Variants in EPHB2 observed in about 807,000 individuals in gnomAD.
EPHB2 encodes the protein ephrin type-B receptor 2.
A neutral mutation model predicts 96.4 loss-of-function variants in EPHB2; 18 were observed. That is an observed-to-expected ratio of 0.19 (90% CI 0.13 to 0.28). EPHB2 has a LOEUF of 0.28. Among genes scored for constraint, EPHB2 ranks in the 10% least tolerant of loss-of-function variants. The pLI is 1.00. For synonymous variants in EPHB2, 506 were observed against 534.1 expected (o/e 0.95, Z 0.72); for missense variants, 989 against 1,355.4 (o/e 0.73, Z 4.25).
At chr1:22,896,057 A>C (rs1639550977) in intron 8 of EPHB2, among the ~76,000 whole-genome samples, 1 of 152,214 alleles carries the variant, frequency 6.6e-6, no homozygotes, top group South Asian at 2.1e-4. Flanking sequence ...TGCTGGGTAT[A>C]ATGCAAAGAA....
intron 1 of EPHB2, among the ~76,000 whole-genome samples, chr1:22,729,756 G>A (rs931479932): frequency 6.6e-6 from 1 of 152,176 alleles, no homozygotes; most frequent in Non-Finnish European, 1.5e-5. Flanking sequence ...AATAATTAAT[G>A]TGTTTCTTTG....
rs1639920956 is a variant in EPHB2 at position 22,906,501 on chromosome 1, C to T, written c.1889-209C>T. On this transcript the variant is annotated intron_variant, in intron 10 of 15. Transcript: ENST00000374630. This position sits in a 1 kb window ranked among gnomAD's most constrained non-coding sequence, Gnocchi z 4.8. ...CAGCCAGGGATAACCAGAGAACAAC[C>T]ATGAGGAATTTACTGTCCTCTCCCA... Among the ~76,000 whole-genome samples, 1 of 152,166 alleles carries T rather than the reference C, an allele frequency of 6.6e-6. No homozygotes were observed. Among genetic ancestry groups the T allele is most frequent in the African/African-American group, 2.4e-5 (1 of 41,438 alleles).
intron 6 of EPHB2, among the ~76,000 whole-genome samples, chr1:22,888,003 G>C (rs538836254): frequency 6.6e-6 from 1 of 152,042 alleles, no homozygotes; most frequent in East Asian, 1.9e-4. Context: ...CATGGGAAAG[G>C]GCTTACTCTA....
chr1:22,816,242 G>A (rs554223490), intron 3 of EPHB2, among the ~76,000 whole-genome samples: 4 of 152,182 alleles, frequency 2.6e-5, no homozygotes, highest in South Asian at 2.1e-4. Flanking sequence ...TAGCCCTGCC[G>A]GCCCTCCTAA....
At chr1:22,847,406 G>A (rs1336349163) in intron 3 of EPHB2, among the ~76,000 whole-genome samples, 3 of 152,204 alleles carry the variant, frequency 2.0e-5, no homozygotes, top group Non-Finnish European at 4.4e-5. Flanking sequence ...TCAATAAATG[G>A]TGGCTGCTGT....
At chr1:22,820,107 A>T (rs1645132898) in intron 3 of EPHB2, among the ~76,000 whole-genome samples, 1 of 152,092 alleles carries the variant, frequency 6.6e-6, no homozygotes, top group African/African-American at 2.4e-5. Context: ...CACCATCCCC[A>T]GGAAAAGGGG....
chr1:22,885,385 G>A (rs1011199099), intron 6 of EPHB2, among the ~76,000 whole-genome samples: 7 of 152,236 alleles, frequency 4.6e-5, no homozygotes, highest in Admixed American at 1.3e-4. Flanking sequence ...GGTGTGAACC[G>A]GGAGGCAGCT....
intron 3 of EPHB2, among the ~76,000 whole-genome samples, chr1:22,807,708 C>T (rs754624867): frequency 1.7e-4 from 26 of 152,154 alleles, no homozygotes; most frequent in South Asian, 4.1e-4. Flanking sequence ...ACAGAATTCC[C>T]GGACAGCACA....
At chr1:22,721,940 T>C (rs1248432875) in intron 1 of EPHB2, among the ~76,000 whole-genome samples, 1 of 152,144 alleles carries the variant, frequency 6.6e-6, no homozygotes, top group Non-Finnish European at 1.5e-5. Context: ...CTGATGCTTA[T>C]GGGAAAACTG....
chr1:22,749,436 T>C (rs574498483), intron 1 of EPHB2, among the ~76,000 whole-genome samples: 17 of 152,184 alleles, frequency 1.1e-4, no homozygotes, highest in Non-Finnish European at 2.5e-4. Context: ...CCCCCAACAC[T>C]GCCTCACCCA....
chr1:22,885,916 G>A (rs1424832188), intron 6 of EPHB2, among the ~76,000 whole-genome samples: 2 of 152,176 alleles, frequency 1.3e-5, no homozygotes, highest in East Asian at 3.8e-4. Flanking sequence ...TGGGGAGATG[G>A]ACACTGGTTC....
chr1:22,813,360 G>C (rs1645029006), intron 3 of EPHB2, among the ~76,000 whole-genome samples: 1 of 152,224 alleles, frequency 6.6e-6, no homozygotes, highest in African/African-American at 2.4e-5. Context: ...GTAGAGTAGG[G>C]TGAGGGGTCC....
At chr1:22,895,788 G>A (rs571606620) in intron 8 of EPHB2, among the ~76,000 whole-genome samples, 1 of 152,370 alleles carries the variant, frequency 6.6e-6, no homozygotes, top group East Asian at 1.9e-4. Context: ...GATAGGCATC[G>A]CCCCTGACAA....
chr1:22,822,241 G>A (rs1481720529), intron 3 of EPHB2, among the ~76,000 whole-genome samples: 1 of 152,122 alleles, frequency 6.6e-6, no homozygotes, highest in East Asian at 1.9e-4. Flanking sequence ...CCAACACTTT[G>A]GGAGGCCAAG....
At chr1:22,811,715 G>A (rs1333259410) in intron 3 of EPHB2, among the ~76,000 whole-genome samples, 1 of 152,182 alleles carries the variant, frequency 6.6e-6, no homozygotes. Flanking sequence ...AGAGGGGAGG[G>A]AGCCTGCAGA....
At chr1:22,908,865 G>A (rs56095528) in intron 12 of EPHB2, among the ~76,000 whole-genome samples, 157 bp from the exon 13 acceptor site, 3,878 of 152,246 alleles carry the variant, frequency 0.025, 76 homozygotes, top group Middle Eastern at 0.048. Flanking sequence ...TGCAGAGGGC[G>A]CAAATGCCCA....
intron 3 of EPHB2, chr1:22,835,567 A>G (rs1264888795): frequency 6.6e-6 from 1 of 152,274 alleles, no homozygotes; most frequent in East Asian, 1.9e-4. Flanking sequence ...ATGCTTTCAT[A>G]CATGTAGGCA....
intron 9 of EPHB2, among the ~76,000 whole-genome samples, chr1:22,904,547 G>A (rs1639848618): frequency 6.6e-6 from 1 of 152,024 alleles, no homozygotes; most frequent in South Asian, 2.1e-4. Context: ...TGACCTCAAG[G>A]GTTAAACAAA....
At chr1:22,903,460 T>C (rs981508694) in intron 9 of EPHB2, among the ~76,000 whole-genome samples, 1 of 152,128 alleles carries the variant, frequency 6.6e-6, no homozygotes, top group African/African-American at 2.4e-5. Flanking sequence ...ATGGACCAGA[T>C]TCTGGTTGTA....
Sources: allele counts gnomAD v4.1 joint callset (sites outside exome capture counted in the v4.1 genomes callset), GRCh38; gene constraint gnomAD v4.1.1; non-coding constraint Gnocchi (gnomAD v3.1); transcripts MANE v1.5; gene names NCBI Gene and HGNC (gene_info 2026-07-23, HGNC 2026-07-21).